CAST: variants seen among roughly 807,000 people sequenced by gnomAD.
CAST encodes MIR583 host.
Under a neutral mutation model 119.6 loss-of-function variants are expected in CAST, and 76 were observed. The ratio of observed to expected loss-of-function variants is 0.64; its 90% CI spans 0.53 to 0.77. The LOEUF is 0.77. Among genes scored for constraint, CAST ranks in the 30% least tolerant of loss-of-function variants. The probability of loss-of-function intolerance (pLI) is 0.00; values close to 1 mark genes in which losing one functional copy is unlikely to be tolerated. For missense variants in CAST, 953 were observed against 946.5 expected (o/e 1.01, Z -0.09); for synonymous variants, 319 against 331.6 (o/e 0.96, Z 0.41).
chr5:96,064,194 T>G, the CAST span, among the ~76,000 whole-genome samples: 1 of 152,176 alleles, frequency 6.6e-6, no homozygotes, highest in African/African-American at 2.4e-5. Context: ...AGTAGTTTTT[T>G]TTCTGCTTTG....
the CAST span, among the ~76,000 whole-genome samples, chr5:96,420,013 GA>G: frequency 2.1e-3 from 319 of 152,202 alleles, 1 homozygote; most frequent in Non-Finnish European, 3.3e-3. Context: ...GCCTAGGAAG[GA>G]GCCAGTGCCT....
At chr5:96,436,429 A>G in the CAST span, among the ~76,000 whole-genome samples, 6 of 150,144 alleles carry the variant, frequency 4.0e-5, no homozygotes, top group Admixed American at 4.0e-4. Flanking sequence ...AAATTGAGAA[A>G]TCTGAATATG....
At chr5:96,053,236 G>T in the CAST span, among the ~76,000 whole-genome samples, 1 of 152,208 alleles carries the variant, frequency 6.6e-6, no homozygotes, top group Non-Finnish European at 1.5e-5. Context: ...AGATTCTGAT[G>T]TAATTGGTCT....
At chr5:96,239,196 C>T in the CAST span, among the ~76,000 whole-genome samples, 1 of 151,564 alleles carries the variant, frequency 6.6e-6, no homozygotes, top group Non-Finnish European at 1.5e-5. Context: ...AAATGTATTG[C>T]CCAATTATGC....
At chr5:96,661,031 G>A (rs1455895381), upstream of CAST, among the ~76,000 whole-genome samples, 1 of 151,738 alleles carries the variant, frequency 6.6e-6, no homozygotes, top group Middle Eastern at 3.2e-3. Flanking sequence ...CTTTGAAGAA[G>A]AAGTCAGAAT....
At chr5:96,647,072 G>A (rs896966835) in intron 1 of CAST, among the ~76,000 whole-genome samples, 1 of 152,104 alleles carries the variant, frequency 6.6e-6, no homozygotes, top group Admixed American at 6.6e-5. Context: ...CTTTTCTGCT[G>A]GGAACTGCTG....
the CAST span, among the ~76,000 whole-genome samples, chr5:96,378,974 G>T: frequency 1.1e-4 from 16 of 151,970 alleles, no homozygotes; most frequent in South Asian, 4.2e-4. Flanking sequence ...TAAAACTTTC[G>T]AATTCATTTT....
the CAST span, among the ~76,000 whole-genome samples, chr5:96,513,567 G>T: frequency 6.6e-6 from 1 of 151,992 alleles, no homozygotes; most frequent in African/African-American, 2.4e-5. Flanking sequence ...AAGGCAACTG[G>T]GTATAAATAC....
At chr5:96,185,328 G>T in the CAST span, among the ~76,000 whole-genome samples, 1 of 152,004 alleles carries the variant, frequency 6.6e-6, no homozygotes, top group Non-Finnish European at 1.5e-5. Flanking sequence ...AGTTTATTTT[G>T]CTGTGCAGAA....
chr5:96,340,138 C>T, the CAST span, among the ~76,000 whole-genome samples: 9 of 152,288 alleles, frequency 5.9e-5, no homozygotes, highest in Middle Eastern at 3.4e-3. Flanking sequence ...TTGCTATTTA[C>T]CTCAAGGTTA....
chr5:96,305,580 G>T, the CAST span, among the ~76,000 whole-genome samples: 3 of 152,100 alleles, frequency 2.0e-5, no homozygotes, highest in African/African-American at 7.2e-5. Context: ...GTATAATATT[G>T]GCTCTGGGTT....
At chr5:96,237,280 C>G in the CAST span, among the ~76,000 whole-genome samples, 1 of 152,108 alleles carries the variant, frequency 6.6e-6, no homozygotes, top group South Asian at 2.1e-4. Context: ...GGTGAGCTAC[C>G]CTAGAACCTT....
chr5:96,492,856 A>G, the CAST span, among the ~76,000 whole-genome samples: 1 of 152,266 alleles, frequency 6.6e-6, no homozygotes, highest in South Asian at 2.1e-4. Flanking sequence ...TAATTACAGC[A>G]ATGTAGCAAT....
chr5:96,423,330 C>A, the CAST span: 1 of 1,611,118 alleles, frequency 6.2e-7, no homozygotes, highest in African/African-American at 1.3e-5. Context: ...GCATAAATGT[C>A]CGTGTGATTC....
chr5:96,648,941 T>C (rs1189567404), intron 1 of CAST, among the ~76,000 whole-genome samples: 2 of 152,166 alleles, frequency 1.3e-5, no homozygotes, highest in Non-Finnish European at 2.9e-5. Context: ...GAATACTGTC[T>C]GGCACATGGT....
At chr5:96,130,707 CAA>C in the CAST span, among the ~76,000 whole-genome samples, 8 of 151,916 alleles carry the variant, frequency 5.3e-5, no homozygotes, top group African/African-American at 1.9e-4. Flanking sequence ...AAAAACAACT[CAA>C]AGAGAGGGAA....
chr5:96,412,094 T>A, the CAST span, among the ~76,000 whole-genome samples: 2 of 152,208 alleles, frequency 1.3e-5, no homozygotes, highest in African/African-American at 2.4e-5. Flanking sequence ...TTGATCTGCC[T>A]CCCTTGGCCA....
the CAST span, among the ~76,000 whole-genome samples, chr5:96,073,718 T>C: frequency 0.71 from 107,764 of 152,082 alleles, 38,445 homozygotes; most frequent in South Asian, 0.78. Context: ...AATGCTGCCA[T>C]TGATCTGACA....
the CAST span, among the ~76,000 whole-genome samples, chr5:96,385,872 A>G: frequency 6.6e-5 from 10 of 152,212 alleles, no homozygotes; most frequent in African/African-American, 2.4e-4. Flanking sequence ...AATATCTTCT[A>G]AAGTGTCATG....
Sources: allele counts gnomAD v4.1 joint callset (sites outside exome capture counted in the v4.1 genomes callset), GRCh38; gene constraint gnomAD v4.1.1; transcripts MANE v1.5; gene names NCBI Gene and HGNC (gene_info 2026-07-23, HGNC 2026-07-21).